GRID2: variants seen among roughly 807,000 people sequenced by gnomAD.
GRID2 encodes the protein glutamate ionotropic receptor delta type subunit 2.
In GRID2, 33 loss-of-function variants were observed where a neutral mutation model predicts 114.8. That is an observed-to-expected ratio of 0.29 (90% CI 0.22 to 0.38). The LOEUF (loss-of-function observed/expected upper bound fraction) is 0.38. Ranked by LOEUF, GRID2 falls within the 10% of genes least tolerant of loss-of-function variation. The pLI is 1.00. For missense variants in GRID2, 1,184 were observed against 1,257.7 expected, an observed-to-expected ratio of 0.94 and a Z score of 0.89; for synonymous variants, 505 against 449.9, an observed-to-expected ratio of 1.12 and a Z score of -1.55.
intron 2 of GRID2, among the ~76,000 whole-genome samples, chr4:92,751,480 G>C (rs1463961938): frequency 2.0e-5 from 3 of 152,106 alleles, no homozygotes; most frequent in South Asian, 2.1e-4. Context: ...AAGGCTGTTT[G>C]ATTTACAAAA....
At chr4:92,472,771 T>C (rs1479107608) in intron 1 of GRID2, among the ~76,000 whole-genome samples, 1 of 152,128 alleles carries the variant, frequency 6.6e-6, no homozygotes, top group Non-Finnish European at 1.5e-5. Flanking sequence ...AATTGGGTTG[T>C]TTGTATTCTT....
chr4:92,618,608 A>G (rs187569790), intron 2 of GRID2, among the ~76,000 whole-genome samples: 82 of 151,790 alleles, frequency 5.4e-4, no homozygotes, highest in Non-Finnish European at 1.1e-3. Flanking sequence ...TCATTTTAGC[A>G]ATATTAACTC....
chr4:92,704,723 TTCTCTCTC>T (rs373207037), intron 2 of GRID2, among the ~76,000 whole-genome samples: 2 of 90,050 alleles, frequency 2.2e-5, no homozygotes, highest in Non-Finnish European at 4.6e-5. Context: ...CTCTCTCTCT[TTCTCTCTC>T]TCTCTCTCTC....
intron 13 of GRID2, among the ~76,000 whole-genome samples, chr4:93,568,105 C>T (rs1393635458): frequency 6.6e-6 from 1 of 152,138 alleles, no homozygotes; most frequent in Admixed American, 6.6e-5. Flanking sequence ...GACAACATAC[C>T]TAACCTCCTC....
rs548705208 is a variant in GRID2 at position 93,187,674 on chromosome 4, T to A, written c.736-19730T>A. ...AATCAGATATGGGTGTGACTCAAGA[T>A]GGGAATTATCCTGAGGCAAATTTGC... On this transcript the variant is annotated intron_variant, in intron 4 of 15. Coordinates refer to ENST00000282020, the MANE Select transcript of GRID2 (RefSeq NM_001510.4). Among the ~76,000 whole-genome samples, 4 of 152,300 alleles carry A rather than the reference T, an allele frequency of 2.6e-5. No homozygotes were observed. The East Asian group carries it at 7.7e-4, about 29-fold the overall frequency.
In GRID2 at chr4:93,116,174, C is replaced by T. The variant is rs528714985; in HGVS notation, c.735+5221C>T. On this transcript the variant is annotated intron_variant, in intron 4 of 15. Coordinates refer to ENST00000282020, the MANE Select transcript of GRID2 (RefSeq NM_001510.4). ...TACACTTCTATTTCCATACCAACTA[C>T]TGTTGACAGTATAGTAATTGTAAAG... 3.0e-4 allele frequency among the ~76,000 whole-genome samples: 45 copies of T among 152,258 alleles called. 1 individual carries two copies. Among genetic ancestry groups the T allele is most frequent in the African/African-American group, 1.0e-3 (43 of 41,552 alleles).
chr4:93,063,207 G>T (rs1578880931), intron 2 of GRID2, among the ~76,000 whole-genome samples: 1 of 151,826 alleles, frequency 6.6e-6, no homozygotes. Context: ...GAATTATAAT[G>T]ATATCATTTT....
At chr4:92,338,305 T>A (rs1028975442) in intron 1 of GRID2, among the ~76,000 whole-genome samples, 1 of 152,156 alleles carries the variant, frequency 6.6e-6, no homozygotes, top group Non-Finnish European at 1.5e-5. Flanking sequence ...TAAAATAACT[T>A]AAATTTTAAA....
At chr4:92,767,453 A>T (rs1278561773) in intron 2 of GRID2, among the ~76,000 whole-genome samples, 1 of 152,148 alleles carries the variant, frequency 6.6e-6, no homozygotes, top group Admixed American at 6.5e-5. Flanking sequence ...CATAAACATG[A>T]TGTATAATAG....
At chr4:92,633,656 T>C (rs1475638346) in intron 2 of GRID2, among the ~76,000 whole-genome samples, 1 of 152,172 alleles carries the variant, frequency 6.6e-6, no homozygotes, top group African/African-American at 2.4e-5. Flanking sequence ...TTTGAAGAGA[T>C]TGAATAATGA....
At chr4:92,951,428 AGC>A (rs1752030386) in intron 2 of GRID2, among the ~76,000 whole-genome samples, 2 of 151,868 alleles carry the variant, frequency 1.3e-5, no homozygotes, top group Non-Finnish European at 2.9e-5. Flanking sequence ...ACCTCGCTGC[AGC>A]CTGGACCTTA....
chr4:92,943,906 G>T (rs557322326), intron 2 of GRID2, among the ~76,000 whole-genome samples: 2 of 152,106 alleles, frequency 1.3e-5, no homozygotes, highest in Admixed American at 1.3e-4. Flanking sequence ...GCGGCTACTG[G>T]TGAACAGCAA....
chr4:92,580,400 A>G (rs1450753116), intron 1 of GRID2, among the ~76,000 whole-genome samples: 6 of 139,078 alleles, frequency 4.3e-5, no homozygotes, highest in African/African-American at 1.5e-4. Flanking sequence ...ATATTGGAAG[A>G]GTACCATTTT....
intron 2 of GRID2, among the ~76,000 whole-genome samples, chr4:92,877,111 A>C (rs1745688451): frequency 6.6e-6 from 1 of 152,234 alleles, no homozygotes; most frequent in African/African-American, 2.4e-5. Flanking sequence ...AAAGAACTTC[A>C]TGCTAACTCT....
chr4:93,415,557 G>A (rs777664159), intron 9 of GRID2, among the ~76,000 whole-genome samples: 27 of 151,992 alleles, frequency 1.8e-4, no homozygotes, highest in Non-Finnish European at 2.4e-4. Flanking sequence ...ACCAACAAAT[G>A]AGAACTAGGG....
chr4:93,247,018 A>T (rs1319113607), intron 8 of GRID2, among the ~76,000 whole-genome samples: 1 of 152,134 alleles, frequency 6.6e-6, no homozygotes, highest in Non-Finnish European at 1.5e-5. Context: ...GTTGGTTGAG[A>T]TCACTTCTGG....
chr4:92,556,334 A>G (rs2149177584), intron 1 of GRID2, among the ~76,000 whole-genome samples: 2 of 152,276 alleles, frequency 1.3e-5, no homozygotes, highest in South Asian at 4.1e-4. Context: ...TTTGAAATCA[A>G]ATTTTAGAGA....
intron 14 of GRID2, among the ~76,000 whole-genome samples, chr4:93,633,781 T>G (rs1721160678): frequency 1.3e-5 from 2 of 152,192 alleles, no homozygotes; most frequent in African/African-American, 4.8e-5. Flanking sequence ...ATAATTTTTA[T>G]GCTTTTTCCC....
intron 1 of GRID2, among the ~76,000 whole-genome samples, chr4:92,422,072 T>A (rs1731935928): frequency 6.6e-6 from 1 of 152,072 alleles, no homozygotes; most frequent in Admixed American, 6.6e-5. Flanking sequence ...GAGGCTTCCC[T>A]TTTTGAGTAA....
Sources: allele counts gnomAD v4.1 joint callset (sites outside exome capture counted in the v4.1 genomes callset), GRCh38; gene constraint gnomAD v4.1.1; transcripts MANE v1.5; gene names NCBI Gene and HGNC (gene_info 2026-07-23, HGNC 2026-07-21).